Variants in CRMP1 observed in about 807,000 individuals in gnomAD.
CRMP1 encodes collapsin response mediator protein 1.
CRMP1 carries 19 observed loss-of-function variants against 68.3 expected under a neutral mutation model. The observed-to-expected ratio is 0.28, with a 90% CI of 0.19 to 0.41. The LOEUF (loss-of-function observed/expected upper bound fraction) is 0.41. Ranked by LOEUF, CRMP1 falls within the 10% of genes least tolerant of loss-of-function variation. The probability of loss-of-function intolerance (pLI) is 1.00; values close to 1 mark genes in which losing one functional copy is unlikely to be tolerated. For missense variants in CRMP1, 791 were observed against 967.4 expected, an observed-to-expected ratio of 0.82 and a Z score of 2.42; for synonymous variants, 439 against 399.6, an observed-to-expected ratio of 1.10 and a Z score of -1.18.
At chr4:5,875,971 T>C (rs1036452843) in intron 1 of CRMP1, among the ~76,000 whole-genome samples, 1 of 151,870 alleles carries the variant, frequency 6.6e-6, no homozygotes, top group Admixed American at 6.6e-5. Flanking sequence ...GCTAACACAG[T>C]GAAACCCCGT....
intron 1 of CRMP1, chr4:5,887,705 C>T: frequency 3.0e-6 from 3 of 985,356 alleles, no homozygotes; most frequent in Non-Finnish European, 3.6e-6. Flanking sequence ...CATCATGGCG[C>T]TGTCCCTAGG....
chr4:5,825,687 G>C lies in CRMP1; in HGVS notation c.1804-28C>G, dbSNP rs377337670. 6.2e-7 allele frequency: 1 copy of C among 1,608,524 alleles called. No homozygotes were observed. Among genetic ancestry groups the C allele is most frequent in the African/African-American group, 1.3e-5 (1 of 74,672 alleles). ...AAACAGAGGAAGGGAGAGTGTGATT[G>C]ATCGACACTGTGCATGTGTGCCCTT... On this transcript the variant is annotated intron_variant, in intron 12 of 13. Transcript: ENST00000324989. The surrounding 1 kb of genome is among the most constrained non-coding windows in gnomAD (Gnocchi z 4.4).
chr4:5,828,046 G>A (rs1017507907), intron 12 of CRMP1: 1 of 985,294 alleles, frequency 1.0e-6, no homozygotes, highest in African/African-American at 1.7e-5. Flanking sequence ...AGCCCTGCCT[G>A]CAAGATGCCA....
intron 1 of CRMP1, among the ~76,000 whole-genome samples, chr4:5,869,077 G>A (rs554350958): frequency 3.3e-5 from 5 of 151,962 alleles, no homozygotes; most frequent in South Asian, 2.1e-4. Context: ...TCAGACTCCC[G>A]AATATTTGAG....
At chr4:5,822,224 G>C (rs1316982399) in intron 13 of CRMP1, among the ~76,000 whole-genome samples, 1 of 152,226 alleles carries the variant, frequency 6.6e-6, no homozygotes, top group African/African-American at 2.4e-5. Context: ...TATGAAGGGG[G>C]TGTTTGTACT....
chr4:5,824,483 CCTCTCT>C (rs148717534), intron 13 of CRMP1: 5 of 942,192 alleles, frequency 5.3e-6, no homozygotes, highest in African/African-American at 1.8e-5. Flanking sequence ...CACACGTCAT[CCTCTCT>C]CTCTCTCTCT....
rs1276622617 is a variant in CRMP1, at chr4:5,842,443, AAAAAG to A, written c.1032+645_1032+649del. ...GACTCCATCTCAAAAAAAAAAAAAA[AAAAAG>A]AAAAGAAAGAAAGAAAGTAAAAAGA... On this transcript the variant is annotated intron_variant, in intron 7 of 13. Transcript: ENST00000324989. This position sits in a 1 kb window ranked among gnomAD's most constrained non-coding sequence, Gnocchi z 4.5. Among the ~76,000 whole-genome samples the A allele has an allele frequency of 2.0e-5, 3 of 147,488 alleles. No individual in the cohort carries two copies. Among genetic ancestry groups the A allele is most frequent in the African/African-American group, 5.0e-5 (2 of 39,882 alleles).
At chr4:5,837,271 G>A (rs1444724074) in intron 9 of CRMP1, among the ~76,000 whole-genome samples, 1 of 152,036 alleles carries the variant, frequency 6.6e-6, no homozygotes, top group African/African-American at 2.4e-5. Context: ...TTGTCCCCTG[G>A]TGTTTTAAAA....
intron 1 of CRMP1, among the ~76,000 whole-genome samples, chr4:5,878,104 T>C (rs1714969337): frequency 6.6e-6 from 1 of 152,180 alleles, no homozygotes; most frequent in Non-Finnish European, 1.5e-5. Flanking sequence ...TAAATCACCT[T>C]AAAAGTGGGA....
intron 1 of CRMP1, among the ~76,000 whole-genome samples, chr4:5,886,832 G>C (rs1013660975): frequency 3.3e-5 from 5 of 152,210 alleles, no homozygotes; most frequent in Non-Finnish European, 7.3e-5. Context: ...GTGTTCTAGT[G>C]ATTCTTGACC....
Position 5,838,046 on chromosome 4 carries a change from TG to T in CRMP1, c.1311-1141del, listed in dbSNP as rs1229826777. ...AACCAAAGCAGGTGGGGATGAGGCG[TG>T]CTGGGGACAGGCTGGAGATGCCATT... is the stretch of plus-strand genomic sequence containing the variant. On this transcript the variant is annotated intron_variant, in intron 9 of 13. Coordinates refer to ENST00000324989, the MANE Select transcript of CRMP1 (RefSeq NM_001014809.3). This position sits in a 1 kb window ranked among gnomAD's most constrained non-coding sequence, Gnocchi z 4.9. Among the ~76,000 whole-genome samples, 1 of 152,146 alleles carries T rather than the reference TG, an allele frequency of 6.6e-6. No individual in the cohort carries two copies. Among genetic ancestry groups the T allele is most frequent in the Non-Finnish European group, 1.5e-5 (1 of 68,012 alleles).
chr4:5,858,109 C>A lies in CRMP1; in HGVS notation c.656-1802G>T, dbSNP rs1713267526. Among the ~76,000 whole-genome samples the A allele has an allele frequency of 6.6e-6, 1 of 151,382 alleles. No individual in the cohort carries two copies. The highest frequency in any genetic ancestry group is 6.6e-5 in the Admixed American group (1 of 15,188). On this transcript the variant is annotated intron_variant, in intron 3 of 13. Coordinates refer to ENST00000324989, the MANE Select transcript of CRMP1 (RefSeq NM_001014809.3). The surrounding 1 kb of genome is among the most constrained non-coding windows in gnomAD (Gnocchi z 5.5). ...TTGGCCTCTCAGGGCACAGAGAGTC[C>A]CTCCCTCCTTCCTTAAACTCGCTTC...
Position 5,853,604 on chromosome 4 carries a change from G to C in CRMP1, c.821-2135C>G, listed in dbSNP as rs140761252. On this transcript the variant is annotated intron_variant, in intron 4 of 13. Transcript: ENST00000324989. This position sits in a 1 kb window ranked among gnomAD's most constrained non-coding sequence, Gnocchi z 4.7. ...TCCCACTACCGGCTGAAAATCCAAA[G>C]GAATTGAAATCAGAATACCCAGGGG... is the stretch of plus-strand genomic sequence containing the variant. Among the ~76,000 whole-genome samples, 11 of 152,282 alleles carry C rather than the reference G, an allele frequency of 7.2e-5. No individual in the cohort carries two copies. Among genetic ancestry groups the C allele is most frequent in the African/African-American group, 2.6e-4 (11 of 41,550 alleles).
rs938731081 is a variant in CRMP1, at chr4:5,853,985, C to T, written c.820+2158G>A. ...GCCCAGATGCGCACAGCACAGGGCT[C>T]CCTGGATGCCTGCAGGCAGCACAGA... On this transcript the variant is annotated intron_variant, in intron 4 of 13. Coordinates refer to ENST00000324989, the MANE Select transcript of CRMP1 (RefSeq NM_001014809.3). This position sits in a 1 kb window ranked among gnomAD's most constrained non-coding sequence, Gnocchi z 4.7. 2.0e-5 allele frequency among the ~76,000 whole-genome samples: 3 copies of T among 151,128 alleles called. No individual in the cohort carries two copies. Among genetic ancestry groups the T allele is most frequent in the Non-Finnish European group, 4.4e-5 (3 of 68,034 alleles).
chr4:5,828,510 C>T lies in CRMP1; in HGVS notation c.1782G>A (p.Gln594=), dbSNP rs1273084341. The part of the protein sequence containing the change: ...PRKAFPEHLY[Q]RVKIRNKVFG... ...TCACCTTATTCCTGATTTTGACGCGCTGGTACAGGTGCTCCGGGAACGCCT... is the reference window on the plus strand; with the variant it reads ...TCACCTTATTCCTGATTTTGACGCGTTGGTACAGGTGCTCCGGGAACGCCT... Residue 594 remains glutamine (Q), a synonymous_variant, in exon 12 of 14, where the codon CAG becomes CAA. Coordinates refer to ENST00000324989, the MANE Select transcript of CRMP1 (RefSeq NM_001014809.3). 1.2e-6 allele frequency: 2 copies of T among 1,614,226 alleles called. No homozygotes were observed. The highest frequency in any genetic ancestry group is 8.5e-7 in the Non-Finnish European group (1 of 1,180,014).
At position 5,872,641 on chromosome 4, in the gene CRMP1, C is replaced by A. The variant is rs189027646; in HGVS notation, c.382-5885G>T. 2.0e-5 allele frequency among the ~76,000 whole-genome samples: 3 copies of A among 152,318 alleles called. No individual in the cohort carries two copies. In the East Asian group the frequency reaches 5.8e-4, roughly 29 times the overall value. Reference sequence around the variant, plus strand: ...GGCGGAGGTTGCAGTGAGCTGAGATCGCACCGCTGCAGTCCAGCCTGGGCA... The same window carrying A: ...GGCGGAGGTTGCAGTGAGCTGAGATAGCACCGCTGCAGTCCAGCCTGGGCA... On this transcript the variant is annotated intron_variant, in intron 1 of 13. Transcript: ENST00000324989. The surrounding 1 kb of genome is among the most constrained non-coding windows in gnomAD (Gnocchi z 4.6).
chr4:5,851,284 G>C lies in CRMP1; in HGVS notation c.882+124C>G, dbSNP rs1377751951. 5 of 860,428 alleles carry C rather than the reference G, an allele frequency of 5.8e-6. No individual in the cohort carries two copies. In the East Asian group the frequency reaches 9.7e-5, roughly 17 times the overall value. The allele number at this position is 860,428 out of a possible 1,614,324, so 53.3% of individuals were successfully genotyped here. On this transcript the variant is annotated intron_variant, in intron 5 of 13. Transcript: ENST00000324989. Reference sequence around the variant, plus strand: ...ACACCGTATCACACAGCCATTCCATGCCAGAACCAGGACTCGAATCCCACG... The same window carrying C: ...ACACCGTATCACACAGCCATTCCATCCCAGAACCAGGACTCGAATCCCACG...
rs144378382 is a variant in CRMP1 at position 5,863,979 on chromosome 4, G to A, written c.470+2689C>T. ...GAGTAGGACTGCCAACACGCAGAGA[G>A]CTTCTCAGCAACGGGTTCAAGTAAA... On this transcript the variant is annotated intron_variant, in intron 2 of 13. Transcript: ENST00000324989. 4.4e-3 allele frequency among the ~76,000 whole-genome samples: 677 copies of A among 152,322 alleles called. 24 individuals carry two copies. The highest frequency in any genetic ancestry group is 0.041 in the Admixed American group (627 of 15,306).
Position 5,842,614 on chromosome 4 carries a change from A to T in CRMP1, c.1032+479T>A, listed in dbSNP as rs536167416. Among the ~76,000 whole-genome samples, 16 of 143,258 alleles carry T rather than the reference A, an allele frequency of 1.1e-4. No individual in the cohort carries two copies. Among genetic ancestry groups the T allele is most frequent in the South Asian group, 9.3e-4 (4 of 4,320 alleles). The allele number at this position is 143,258 out of a possible 152,430, so 94.0% of individuals were successfully genotyped here. A position where few individuals can be genotyped will look rare whatever the true frequency, so the allele number is the denominator to read the frequency against. On this transcript the variant is annotated intron_variant, in intron 7 of 13. Transcript: ENST00000324989. This position sits in a 1 kb window ranked among gnomAD's most constrained non-coding sequence, Gnocchi z 4.5. ...CACACTCTCTCACACACACACACACACACTCACTCACACACACACACACGC... is the reference window on the plus strand; with the variant it reads ...CACACTCTCTCACACACACACACACTCACTCACTCACACACACACACACGC...
Sources: allele counts gnomAD v4.1 joint callset (sites outside exome capture counted in the v4.1 genomes callset), GRCh38; gene constraint gnomAD v4.1.1; non-coding constraint Gnocchi (gnomAD v3.1); transcripts MANE v1.5; gene names NCBI Gene and HGNC (gene_info 2026-07-23, HGNC 2026-07-21).